The following RTN3 variants were observed in gnomAD, a reference collection of about 807,000 sequenced individuals.
RTN3 encodes reticulon-3.
In RTN3, 49 loss-of-function variants were observed where a neutral mutation model predicts 77.8. That is an observed-to-expected ratio of 0.63 (90% CI 0.50 to 0.80). The LOEUF is 0.80. Ranked by LOEUF, RTN3 falls within the 30% of genes least tolerant of loss-of-function variation. The probability of loss-of-function intolerance (pLI) is 0.00; values close to 1 mark genes in which losing one functional copy is unlikely to be tolerated. For synonymous variants in RTN3, 464 were observed against 446.9 expected (o/e 1.04, Z -0.48); for missense variants, 1,236 against 1,211.9 (o/e 1.02, Z -0.29).
chr11:63,695,263 ATTTT>A, intron 1 of RTN3, among the ~76,000 whole-genome samples: 1 of 152,324 alleles, frequency 6.6e-6, no homozygotes, highest in African/African-American at 2.4e-5. Flanking sequence ...TTCATTAGAT[ATTTT>A]GAGAACTAAG....
intron 1 of RTN3, among the ~76,000 whole-genome samples, chr11:63,697,199 G>A (rs1942003149): frequency 6.6e-6 from 1 of 151,722 alleles, no homozygotes; most frequent in Non-Finnish European, 1.5e-5. Flanking sequence ...GCTATTTTAA[G>A]AAAATTTTAA....
intron 4 of RTN3, among the ~76,000 whole-genome samples, chr11:63,750,977 C>T (rs2014073267): frequency 6.6e-6 from 1 of 152,192 alleles, no homozygotes; most frequent in African/African-American, 2.4e-5. Flanking sequence ...TGTGATCCAC[C>T]CGCCTCTGCC....
intron 3 of RTN3, among the ~76,000 whole-genome samples, chr11:63,727,547 T>C (rs1036203629): frequency 6.6e-5 from 10 of 152,174 alleles, no homozygotes; most frequent in African/African-American, 1.9e-4. Flanking sequence ...GCAGGTGACC[T>C]TAACAGCAAA....
intron 2 of RTN3, among the ~76,000 whole-genome samples, chr11:63,716,968 C>CAA (rs752428943): frequency 0.017 from 463 of 26,638 alleles, 1 homozygote; most frequent in Non-Finnish European, 0.037. Context: ...GACTCCGTCT[C>CAA]AAAAAAAAAA....
intron 3 of RTN3, among the ~76,000 whole-genome samples, chr11:63,735,292 A>T (rs2013013503): frequency 6.6e-6 from 1 of 152,134 alleles, no homozygotes; most frequent in Admixed American, 6.6e-5. Context: ...TGCCCGACCT[A>T]GAAAATTATT....
chr11:63,756,077 G>A, intron 7 of RTN3, 35 bp from the exon 8 acceptor site: 1 of 1,532,682 alleles, frequency 6.5e-7, no homozygotes. Context: ...TGATCTGTAT[G>A]TTACCACAAC....
In RTN3 at chr11:63,758,291, G is replaced by C. The variant is rs755059702; in HGVS notation, c.*90G>C. The C allele has an allele frequency of 1.2e-6, 2 of 1,613,312 alleles. No homozygotes were observed. Among genetic ancestry groups the C allele is most frequent in the Non-Finnish European group, 1.7e-6 (2 of 1,179,762 alleles). On this transcript the variant is annotated 3_prime_UTR_variant, in exon 9 of 9. Transcript: ENST00000377819. Reference sequence around the variant, plus strand: ...TGTACTATGAAGGAAAATACTCAGTGTCAGCTTGAGCCTGCATTCCAAGCT... The same window carrying C: ...TGTACTATGAAGGAAAATACTCAGTCTCAGCTTGAGCCTGCATTCCAAGCT...
In RTN3 at chr11:63,704,915, T is replaced by A; in HGVS notation, c.199+8T>A. 1 of 1,605,572 alleles carries A rather than the reference T, an allele frequency of 6.2e-7. No individual in the cohort carries two copies. Among genetic ancestry groups the A allele is most frequent in the Non-Finnish European group, 8.5e-7 (1 of 1,172,636 alleles). ...TATTTTCGACCTCACAAGGCAAGTC[T>A]GTAATTTTTTTGTGTGCATTGGTAA... is the stretch of plus-strand genomic sequence containing the variant. On this transcript the variant is annotated splice_region_variant and intron_variant, in intron 2 of 8. Coordinates refer to ENST00000377819, the MANE Select transcript of RTN3 (RefSeq NM_001265589.2).
At position 63,748,164 on chromosome 11, in the gene RTN3, T is replaced by A. The variant is rs552061234; in HGVS notation, c.2531-1827T>A. ...CCTGACTGTGTCTCAAAAAAAAAAA[T>A]AAAAGTAATGTCACTGCTAGATTGG... On this transcript the variant is annotated intron_variant, in intron 3 of 8. Transcript: ENST00000377819. 1.8e-4 allele frequency among the ~76,000 whole-genome samples: 27 copies of A among 149,498 alleles called. 1 individual carries two copies. In the East Asian group the frequency reaches 3.3e-3, roughly 18 times the overall value.
At chr11:63,751,959 T>C (rs2014128796) in intron 4 of RTN3, among the ~76,000 whole-genome samples, 1 of 152,046 alleles carries the variant, frequency 6.6e-6, no homozygotes, top group South Asian at 2.1e-4. Flanking sequence ...GCCATTGCAC[T>C]CCAACCTGGG....
At chr11:63,691,547 G>A (rs931445269) in intron 1 of RTN3, among the ~76,000 whole-genome samples, 1 of 152,130 alleles carries the variant, frequency 6.6e-6, no homozygotes, top group South Asian at 2.1e-4. Flanking sequence ...ATGAGCCACA[G>A]TGCCTGTCCC....
intron 8 of RTN3, among the ~76,000 whole-genome samples, chr11:63,757,772 T>C (rs539223397): frequency 6.8e-6 from 1 of 147,300 alleles, no homozygotes; most frequent in East Asian, 2.0e-4. Flanking sequence ...CAGGCTGGAG[T>C]GCAGTGGTGC....
intron 3 of RTN3, among the ~76,000 whole-genome samples, chr11:63,748,820 A>T (rs1055813357): frequency 1.3e-5 from 2 of 150,788 alleles, no homozygotes; most frequent in Non-Finnish European, 3.0e-5. Context: ...GGCACATACC[A>T]CCATGCCCAG....
At chr11:63,742,146 A>T (rs1162143502) in intron 3 of RTN3, among the ~76,000 whole-genome samples, 1 of 150,714 alleles carries the variant, frequency 6.6e-6, no homozygotes, top group East Asian at 2.0e-4. Flanking sequence ...CACCCGGCTA[A>T]TTTTTTGTAT....
At chr11:63,733,130 C>T (rs1484699597) in intron 3 of RTN3, among the ~76,000 whole-genome samples, 1 of 150,450 alleles carries the variant, frequency 6.6e-6, no homozygotes, top group Non-Finnish European at 1.5e-5. Flanking sequence ...GCCTGGCCAA[C>T]ATGGTGAAAC....
At chr11:63,731,957 A>G (rs2012722168) in intron 3 of RTN3, among the ~76,000 whole-genome samples, 2 of 152,134 alleles carry the variant, frequency 1.3e-5, no homozygotes, top group African/African-American at 4.8e-5. Flanking sequence ...AGCCATGTAT[A>G]TAGCTTTAAA....
intron 3 of RTN3, among the ~76,000 whole-genome samples, chr11:63,726,618 T>C (rs1259258245): frequency 2.6e-5 from 4 of 152,156 alleles, no homozygotes; most frequent in Admixed American, 6.5e-5. Flanking sequence ...ATCCCAGCAC[T>C]TTGGGAGGCC....
chr11:63,724,508 T>TAAA (rs1337620457), intron 3 of RTN3, among the ~76,000 whole-genome samples: 3 of 123,520 alleles, frequency 2.4e-5, no homozygotes, highest in African/African-American at 1.0e-4. Flanking sequence ...TTTTTTTTTT[T>TAAA]AAAGACAGAG....
At position 63,735,605 on chromosome 11, in the gene RTN3, TTTCA is replaced by T. The variant is rs1395143675; in HGVS notation, c.2531-14385_2531-14382del. Among the ~76,000 whole-genome samples, 8 of 149,352 alleles carry T rather than the reference TTTCA, an allele frequency of 5.4e-5. No homozygotes were observed. In the South Asian group the frequency reaches 1.5e-3, roughly 28 times the overall value. Reference sequence around the variant, plus strand: ...CTCTCTCTCTCTCTCTCTCTCTTTCTTTCAACCCCTGTTTCCTGGGCTCAAGCCA... The same window carrying T: ...CTCTCTCTCTCTCTCTCTCTCTTTCTACCCCTGTTTCCTGGGCTCAAGCCA... On this transcript the variant is annotated intron_variant, in intron 3 of 8. Coordinates refer to ENST00000377819, the MANE Select transcript of RTN3 (RefSeq NM_001265589.2).
Sources: gnomAD v4.1 joint callset for allele counts (sites outside exome capture counted in the v4.1 genomes callset) on GRCh38, gnomAD v4.1.1 for gene constraint, MANE v1.5 for transcripts, NCBI Gene and HGNC (gene_info 2026-07-23, HGNC 2026-07-21) for gene names.